The following CIROZ variants were observed in gnomAD, a reference collection of about 807,000 sequenced individuals.
The protein encoded by CIROZ is ciliated left-right organizer protein containing ZP-N domains, also known as ciliated left-right organizer ZP-N domains-containing protein.
chr1:10,948,368 C>T, the CIROZ span: 3 of 1,613,512 alleles, frequency 1.9e-6, no homozygotes, highest in Non-Finnish European at 2.5e-6. Context: ...TCGCCAATGG[C>T]TGGAACTCCT....
At chr1:10,960,929 G>A in the CIROZ span, among the ~76,000 whole-genome samples, 1 of 152,088 alleles carries the variant, frequency 6.6e-6, no homozygotes, top group South Asian at 2.1e-4. This position sits in a 1 kb window ranked among gnomAD's most constrained non-coding sequence, Gnocchi z 4.6. Context: ...GGGGAGGCGG[G>A]GGCAGCAGAG....
chr1:10,979,571 G>T, the CIROZ span, among the ~76,000 whole-genome samples: 1 of 150,068 alleles, frequency 6.7e-6, no homozygotes, highest in Admixed American at 6.6e-5. Context: ...TCCACCCTTC[G>T]ACCCAGCGCT....
chr1:10,955,229 G>C, the CIROZ span: 1 of 1,538,726 alleles, frequency 6.5e-7, no homozygotes, highest in Non-Finnish European at 8.8e-7. Flanking sequence ...GGCACACTTT[G>C]CAGGCTCGTG....
chr1:10,959,751 C>T, the CIROZ span, among the ~76,000 whole-genome samples: 18 of 152,312 alleles, frequency 1.2e-4, no homozygotes, highest in African/African-American at 3.6e-4. The surrounding 1 kb of genome is among the most constrained non-coding windows in gnomAD (Gnocchi z 4.3). Context: ...GGAAAAGGCC[C>T]GCCACCACCA....
At chr1:10,960,631 G>A in the CIROZ span, among the ~76,000 whole-genome samples, 2 of 152,350 alleles carry the variant, frequency 1.3e-5, no homozygotes, top group East Asian at 3.9e-4. The surrounding 1 kb of genome is among the most constrained non-coding windows in gnomAD (Gnocchi z 4.6). Context: ...GCGGCCTCCC[G>A]CTCGGGGCCT....
chr1:10,957,513 G>A, the CIROZ span: 1 of 1,506,558 alleles, frequency 6.6e-7, no homozygotes, highest in Non-Finnish European at 8.9e-7. Context: ...AGTCTCGCAG[G>A]TGGACATTTG....
the CIROZ span, chr1:10,966,483 C>T: frequency 7.8e-6 from 12 of 1,531,820 alleles, no homozygotes; most frequent in African/African-American, 1.4e-5. Context: ...CTCCAGGTGC[C>T]TGGAATGAGA....
At chr1:10,969,630 C>CA in the CIROZ span, among the ~76,000 whole-genome samples, 1 of 152,176 alleles carries the variant, frequency 6.6e-6, no homozygotes, top group Non-Finnish European at 1.5e-5. Flanking sequence ...TTCTAAGCAC[C>CA]AGGCAGTGTT....
the CIROZ span, among the ~76,000 whole-genome samples, chr1:10,973,044 C>T: frequency 6.6e-6 from 1 of 152,136 alleles, no homozygotes; most frequent in African/African-American, 2.4e-5. Context: ...GGCCTTGGAC[C>T]ATGTGGTAAT....
the CIROZ span, chr1:10,957,131 CT>C: frequency 2.0e-6 from 3 of 1,537,670 alleles, no homozygotes; most frequent in East Asian, 2.5e-5. Flanking sequence ...GGGGTCCCCC[CT>C]GAGGTCTCCA....
chr1:10,949,223 C>CAAA, the CIROZ span: 15 of 147,062 alleles, frequency 1.0e-4, no homozygotes, highest in South Asian at 1.5e-4. Flanking sequence ...GACCCCATCT[C>CAAA]AAAAAAAAAA....
chr1:10,948,493 TCA>T, the CIROZ span: 2 of 1,614,140 alleles, frequency 1.2e-6, no homozygotes, highest in Non-Finnish European at 1.7e-6. Context: ...TGTTCAGGCC[TCA>T]CAGTTCCTAG....
At chr1:10,968,536 G>A in the CIROZ span, among the ~76,000 whole-genome samples, 1 of 152,222 alleles carries the variant, frequency 6.6e-6, no homozygotes. Flanking sequence ...GCTCGCTGGG[G>A]AAATAAAGTG....
chr1:10,948,657 C>T, the CIROZ span: 3 of 1,613,018 alleles, frequency 1.9e-6, no homozygotes, highest in East Asian at 2.2e-5. Flanking sequence ...CCGCCAGGGA[C>T]TAGCCTGGAC....
the CIROZ span, among the ~76,000 whole-genome samples, chr1:10,961,930 G>A: frequency 6.6e-6 from 1 of 152,206 alleles, no homozygotes; most frequent in East Asian, 1.9e-4. Context: ...CTAGGCAACA[G>A]AGCGAGACTC....
At chr1:10,969,903 T>C in the CIROZ span, 2 of 1,458,286 alleles carry the variant, frequency 1.4e-6, no homozygotes, top group African/African-American at 2.8e-5. Flanking sequence ...GGAGGAGCAT[T>C]GCAGGCAGGG....
chr1:10,947,922 G>A, the CIROZ span: 2 of 1,613,872 alleles, frequency 1.2e-6, no homozygotes, highest in Non-Finnish European at 1.7e-6. Context: ...AGGCCAGCCA[G>A]GGGCTGACTC....
chr1:10,950,333 C>T, the CIROZ span, among the ~76,000 whole-genome samples: 3 of 152,118 alleles, frequency 2.0e-5, no homozygotes, highest in Non-Finnish European at 2.9e-5. Context: ...CCACGACTGG[C>T]CCATTTTTTA....
At chr1:10,956,561 C>T in the CIROZ span, among the ~76,000 whole-genome samples, 225 of 151,920 alleles carry the variant, frequency 1.5e-3, 1 homozygote, top group Non-Finnish European at 2.5e-3. Context: ...CTGCAAGCTC[C>T]GCCTCCCAGG....
Sources: allele counts gnomAD v4.1 joint callset (sites outside exome capture counted in the v4.1 genomes callset), GRCh38; gene constraint gnomAD v4.1.1; non-coding constraint Gnocchi (gnomAD v3.1); transcripts MANE v1.5; gene names NCBI Gene and HGNC (gene_info 2026-07-23, HGNC 2026-07-21).